UGGT1: variants seen among roughly 807,000 people sequenced by gnomAD.
UGGT1 encodes the protein UDP-glucose:glycoprotein glucosyltransferase 1.
In UGGT1, 107 loss-of-function variants were observed where a neutral mutation model predicts 203.9. The ratio of observed to expected loss-of-function variants is 0.52; its 90% CI spans 0.45 to 0.62. The LOEUF is 0.62. Among genes scored for constraint, UGGT1 ranks in the 20% least tolerant of loss-of-function variants. The probability of loss-of-function intolerance (pLI) is 0.00; values close to 1 mark genes in which losing one functional copy is unlikely to be tolerated. For missense variants in UGGT1, 1,673 were observed against 1,867.2 expected (o/e 0.90, Z 1.92); for synonymous variants, 628 against 653.5 (o/e 0.96, Z 0.59).
In UGGT1 at chr2:128,177,887, AGAAT is replaced by A; in HGVS notation, c.3685_3688del (p.Glu1229LeufsTer19). ...GACTTGCTGAGTGATGGAACGAGTG[AGAAT>A]GAATCTGGATTTTGGGATTCCTTCA... On this transcript the variant is annotated frameshift_variant, in exon 33 of 41. Coordinates refer to ENST00000259253, the MANE Select transcript of UGGT1 (RefSeq NM_020120.4). LOFTEE classifies it high-confidence loss of function. 6.2e-7 allele frequency: 1 copy of A among 1,605,268 alleles called. No individual in the cohort carries two copies. The highest frequency in any genetic ancestry group is 1.1e-5 in the South Asian group (1 of 89,332).
At chr2:128,109,837 A>G in intron 5 of UGGT1, 91 bp downstream of exon 5, 4 of 1,048,140 alleles carry the variant, frequency 3.8e-6, no homozygotes, top group Non-Finnish European at 5.9e-6. Context: ...TCTGTTTTGT[A>G]TCATTAGGTG....
intron 26 of UGGT1, among the ~76,000 whole-genome samples, chr2:128,168,324 A>G (rs1380045364): frequency 6.6e-6 from 1 of 152,190 alleles, no homozygotes; most frequent in Non-Finnish European, 1.5e-5. Flanking sequence ...AGTGGACTTA[A>G]TCTGAAATTG....
Position 128,153,345 on chromosome 2 carries a change from T to C in UGGT1, c.2137+441T>C, listed in dbSNP as rs754644695. ...GGCCTTTAGCAGCTTCATCAAGATA[T>C]GATGTATATGCCATAAAACTCAACC... On this transcript the variant is annotated intron_variant, in intron 19 of 40. Coordinates refer to ENST00000259253, the MANE Select transcript of UGGT1 (RefSeq NM_020120.4). 2.6e-5 allele frequency among the ~76,000 whole-genome samples: 4 copies of C among 152,188 alleles called. No homozygotes were observed. The East Asian group carries it at 5.8e-4, about 22-fold the overall frequency.
At chr2:128,152,702 A>G in intron 18 of UGGT1, 82 bp from the exon 19 acceptor site, 1 of 1,528,140 alleles carries the variant, frequency 6.5e-7, no homozygotes, top group Admixed American at 2.2e-5. Context: ...TATAAAGTTA[A>G]TAATTTTTTG....
At chr2:128,097,652 A>G (rs1687175859) in intron 2 of UGGT1, 88 bp downstream of exon 2, 2 of 1,500,154 alleles carry the variant, frequency 1.3e-6, no homozygotes, top group Admixed American at 3.9e-5. Flanking sequence ...AAGGAGTGAG[A>G]TTATCATCAA....
chr2:128,101,334 T>G (rs959500963), intron 2 of UGGT1, among the ~76,000 whole-genome samples: 7 of 152,234 alleles, frequency 4.6e-5, no homozygotes, highest in African/African-American at 1.7e-4. Flanking sequence ...TCTTTTGCCT[T>G]CCTTGCATCT....
intron 30 of UGGT1, among the ~76,000 whole-genome samples, chr2:128,174,182 A>G (rs1691255393): frequency 6.6e-6 from 1 of 152,176 alleles, no homozygotes; most frequent in Admixed American, 6.5e-5. Context: ...TAGATTGCTC[A>G]TGAGCTGACA....
At position 128,192,394 on chromosome 2, in the gene UGGT1, G is replaced by GTTC. The variant is rs1692310061; in HGVS notation, c.*2652_*2653insTTC. ...ATACTGTAACAGAAAAGATAGGTAA[G>GTTC]ATATTTTTTTCCCAAGAAGTAAGAA... On this transcript the variant is annotated 3_prime_UTR_variant, in exon 41 of 41. Coordinates refer to ENST00000259253, the MANE Select transcript of UGGT1 (RefSeq NM_020120.4). 1 of 151,898 alleles carries GTTC rather than the reference G, an allele frequency of 6.6e-6. No individual in the cohort carries two copies. The highest frequency in any genetic ancestry group is 2.4e-5 in the African/African-American group (1 of 41,318). The allele number at this position is 151,898 out of a possible 1,614,324, so 9.4% of individuals were successfully genotyped here.
intron 13 of UGGT1, 49 bp from the exon 14 acceptor site, chr2:128,133,092 A>G (rs1688958636): frequency 2.5e-6 from 4 of 1,595,314 alleles, no homozygotes; most frequent in Non-Finnish European, 3.4e-6. Context: ...TGCAGGTTTT[A>G]CTAACTGGTT....
chr2:128,134,311 C>T (rs1050397899), intron 14 of UGGT1, among the ~76,000 whole-genome samples: 3 of 152,244 alleles, frequency 2.0e-5, no homozygotes, highest in South Asian at 2.1e-4. Flanking sequence ...GCTGGGATTA[C>T]AGGTGTGAGC....
intron 15 of UGGT1, 151 bp from the exon 16 acceptor site, chr2:128,138,566 G>A: frequency 1.2e-6 from 1 of 851,822 alleles, no homozygotes; most frequent in Non-Finnish European, 1.8e-6. Context: ...TGCCAATCAT[G>A]TTAGAGTAGA....
intron 19 of UGGT1, among the ~76,000 whole-genome samples, chr2:128,155,278 AT>A (rs1205781860): frequency 2.6e-5 from 4 of 152,336 alleles, no homozygotes; most frequent in Non-Finnish European, 4.4e-5. Context: ...TGTGTGAGAT[AT>A]GTATGTTTCC....
chr2:128,124,308 G>T (rs1010367768), intron 11 of UGGT1, among the ~76,000 whole-genome samples: 1 of 152,028 alleles, frequency 6.6e-6, no homozygotes, highest in African/African-American at 2.4e-5. Context: ...ACAATTTTAG[G>T]TTGGAAGTCA....
chr2:128,145,553 C>T (rs908804259), intron 17 of UGGT1: 28 of 385,660 alleles, frequency 7.3e-5, no homozygotes, highest in Non-Finnish European at 1.2e-4. Flanking sequence ...CACACACGCA[C>T]TTCATAATTT....
Position 128,159,416 on chromosome 2 carries a change from A to T in UGGT1, c.2356-98A>T, listed in dbSNP as rs542449037. The stretch of plus-strand genomic sequence containing the variant: ...GCCCGGCCTGAGACTTTTAAGAGAG[A>T]TATTATTTGCTACTTATTGAACATG... On this transcript the variant is annotated intron_variant, in intron 22 of 40. Coordinates refer to ENST00000259253, the MANE Select transcript of UGGT1 (RefSeq NM_020120.4). 97 of 1,148,530 alleles carry T rather than the reference A, an allele frequency of 8.4e-5. No individual in the cohort carries two copies. The African/African-American group carries it at 1.4e-3, about 16-fold the overall frequency. 71.1% of individuals were successfully genotyped at this position (1,148,530 alleles called of 1,614,324 possible). A position where few individuals can be genotyped will look rare whatever the true frequency, so the allele number is the denominator to read the frequency against.
In UGGT1 at chr2:128,140,888, A is replaced by G. The variant is rs75505928; in HGVS notation, c.1719+2036A>G. ...TTTTTGGTAGAGATGATGTCTCACT[A>G]TGTTTCCCAGGCTGGTCTCGAACTA... On this transcript the variant is annotated intron_variant, in intron 16 of 40. Coordinates refer to ENST00000259253, the MANE Select transcript of UGGT1 (RefSeq NM_020120.4). Among the ~76,000 whole-genome samples, 2,133 of 152,088 alleles carry G rather than the reference A, an allele frequency of 0.014. 112 individuals are homozygous for G. In the East Asian group the frequency reaches 0.14, roughly 10 times the overall value.
At chr2:128,093,005 A>C (rs978861902) in intron 1 of UGGT1, among the ~76,000 whole-genome samples, 1 of 152,210 alleles carries the variant, frequency 6.6e-6, no homozygotes, top group Non-Finnish European at 1.5e-5. Flanking sequence ...GATCCTATAA[A>C]ATGAAGACAT....
At position 128,189,965 on chromosome 2, in the gene UGGT1, T is replaced by G. The variant is rs2104849750; in HGVS notation, c.*223T>G. ...GTACCTCAGAGGAAGACCAAGTGGC[T>G]GATCCTTTGGACTCTGTAAAGAGCA... On this transcript the variant is annotated 3_prime_UTR_variant, in exon 41 of 41. Transcript: ENST00000259253. The G allele has an allele frequency of 2.0e-6, 1 of 506,860 alleles. No homozygotes were observed. Among genetic ancestry groups the G allele is most frequent in the East Asian group, 3.0e-5 (1 of 33,246 alleles). The allele number at this position is 506,860 out of a possible 1,614,324, so 31.4% of individuals were successfully genotyped here. A position where few individuals can be genotyped will look rare whatever the true frequency, so the allele number is the denominator to read the frequency against.
In UGGT1 at chr2:128,145,859, C is replaced by G; in HGVS notation, c.1908C>G (p.Phe636Leu). 6.2e-7 allele frequency: 1 copy of G among 1,613,908 alleles called. No individual in the cohort carries two copies. The highest frequency in any genetic ancestry group is 1.7e-5 in the Admixed American group (1 of 59,986). ...TTGGACCTCTGCCCGTTGTGCTGTT[C>G]AATGGAATGCCCTTTGAAAGGGAAC... is the stretch of plus-strand genomic sequence containing the variant. The part of the protein sequence containing the change: ...TGVGPLPVVL[F>L]NGMPFEREQL... The change falls in exon 18 of 41, where the codon TTC becomes TTG. Residue 636 changes from phenylalanine (F) to leucine (L), a missense_variant. Physicochemically the swap from Phe to Leu is conservative, Grantham distance 22 (BLOSUM62 0). This residue lies in a region of UGGT1 where 1,073 missense variants were observed against 1,078.7 expected (regional missense o/e 0.99). Transcript: ENST00000259253.
Sources: allele counts gnomAD v4.1 joint callset (sites outside exome capture counted in the v4.1 genomes callset), GRCh38; gene constraint gnomAD v4.1.1; regional missense constraint gnomAD v4.1.1; transcripts MANE v1.5; gene names NCBI Gene and HGNC (gene_info 2026-07-23, HGNC 2026-07-21).